Variants in CA10 observed in about 807,000 individuals in gnomAD.
CA10 encodes the protein carbonic anhydrase 10 (inactive), also known as carbonic anhydrase-related protein 10.
Under a neutral mutation model 44.2 loss-of-function variants are expected in CA10, and 14 were observed. That is an observed-to-expected ratio of 0.32 (90% CI 0.21 to 0.50). The LOEUF (loss-of-function observed/expected upper bound fraction) is 0.50, where lower values mean the gene tolerates loss of function less well. Among genes scored for constraint, CA10 ranks in the 20% least tolerant of loss-of-function variants. The pLI is 0.99. For synonymous variants in CA10, 159 were observed against 141.6 expected (o/e 1.12, Z -0.87); for missense variants, 350 against 409.7 (o/e 0.85, Z 1.26).
chr17:51,726,704 CT>C (rs1916535968), intron 4 of CA10, among the ~76,000 whole-genome samples: 2 of 152,090 alleles, frequency 1.3e-5, no homozygotes, highest in South Asian at 4.2e-4. Context: ...TACTGGTAGC[CT>C]TTGGAAAGCA....
chr17:51,900,094 C>A (rs997918490), intron 3 of CA10, among the ~76,000 whole-genome samples: 7 of 151,962 alleles, frequency 4.6e-5, no homozygotes, highest in Non-Finnish European at 7.4e-5. Context: ...AGTTGTTATG[C>A]AGACTTGATT....
chr17:52,034,877 C>A (rs1268375046), intron 2 of CA10, among the ~76,000 whole-genome samples: 1 of 152,126 alleles, frequency 6.6e-6, no homozygotes, highest in Non-Finnish European at 1.5e-5. Context: ...GATAACCTTA[C>A]TTCAATCTCA....
rs149202122 is a variant in CA10, at chr17:51,734,861, G to T, written c.465+12772C>A. On this transcript the variant is annotated intron_variant, in intron 4 of 8. Coordinates refer to ENST00000451037, the MANE Select transcript of CA10 (RefSeq NM_020178.5). Reference sequence around the variant, plus strand: ...ATTTTTCACCGTTCTGGAGGATGGGGAGTCCAAGATCAACACACCAGCAGG... The same window carrying T: ...ATTTTTCACCGTTCTGGAGGATGGGTAGTCCAAGATCAACACACCAGCAGG... Among the ~76,000 whole-genome samples the T allele has an allele frequency of 1.3e-4, 20 of 152,156 alleles. No homozygotes were observed. The East Asian group carries it at 3.9e-3, about 29-fold the overall frequency.
intron 1 of CA10, among the ~76,000 whole-genome samples, chr17:52,154,510 TCTC>T (rs1989764576): frequency 6.6e-6 from 1 of 152,166 alleles, no homozygotes; most frequent in African/African-American, 2.4e-5. Flanking sequence ...AAGAAATTTC[TCTC>T]CTCGTGCTGC....
At chr17:51,872,069 G>A (rs1035123930) in intron 3 of CA10, among the ~76,000 whole-genome samples, 1 of 152,164 alleles carries the variant, frequency 6.6e-6, no homozygotes, top group Non-Finnish European at 1.5e-5. Flanking sequence ...GTAAAGAAAT[G>A]GGAAAAGCAT....
chr17:51,649,241 G>A lies in CA10; in HGVS notation c.575C>T (p.Ser192Leu). 1 of 1,612,148 alleles carries A rather than the reference G, an allele frequency of 6.2e-7. No homozygotes were observed. Among genetic ancestry groups the A allele is most frequent in the Non-Finnish European group, 8.5e-7 (1 of 1,178,222 alleles). Residue 192 changes from serine to leucine, a missense_variant, in exon 6 of 9, where the codon TCA (serine) becomes TTA (leucine). Coordinates refer to ENST00000451037, the MANE Select transcript of CA10 (RefSeq NM_020178.5). The part of the protein sequence containing the change: ...VSIFIKVSDS[S>L]NPFLNRMLNR... ...GAGCATTCGATTAAGAAATGGGTTT[G>A]ATGAATCAGAAACCTGGAGGAGAAA...
At chr17:51,752,007 C>G (rs1426092661) in intron 3 of CA10, among the ~76,000 whole-genome samples, 2 of 152,218 alleles carry the variant, frequency 1.3e-5, no homozygotes, top group Admixed American at 6.5e-5. Flanking sequence ...TATGGAGAGA[C>G]CTGAATGGGG....
chr17:52,148,846 T>C (rs1989644580), intron 1 of CA10, among the ~76,000 whole-genome samples: 1 of 152,238 alleles, frequency 6.6e-6, no homozygotes, highest in South Asian at 2.1e-4. Context: ...TTTTATCTTA[T>C]GCCTGGCCCA....
At chr17:51,727,592 A>C (rs1371986903) in intron 4 of CA10, among the ~76,000 whole-genome samples, 1 of 152,128 alleles carries the variant, frequency 6.6e-6, no homozygotes, top group Non-Finnish European at 1.5e-5. Flanking sequence ...TCCTTCTCCT[A>C]TTCTAAAAAT....
intron 4 of CA10, among the ~76,000 whole-genome samples, chr17:51,726,727 C>CTA (rs1916536848): frequency 6.6e-6 from 1 of 152,086 alleles, no homozygotes; most frequent in South Asian, 2.1e-4. Context: ...AGAGCATATT[C>CTA]TATATATATT....
At chr17:51,890,068 C>T (rs1020501469) in intron 3 of CA10, among the ~76,000 whole-genome samples, 3 of 152,096 alleles carry the variant, frequency 2.0e-5, no homozygotes, top group African/African-American at 4.8e-5. Context: ...GTAGCAACAC[C>T]GGATAAATTT....
At chr17:51,909,624 C>T (rs1452672799) in intron 3 of CA10, among the ~76,000 whole-genome samples, 2 of 152,192 alleles carry the variant, frequency 1.3e-5, no homozygotes, top group African/African-American at 4.8e-5. Context: ...ACAAAGACCC[C>T]ATTTCAGGGA....
chr17:51,820,653 C>T (rs1907746324), intron 3 of CA10, among the ~76,000 whole-genome samples: 1 of 151,974 alleles, frequency 6.6e-6, no homozygotes, highest in Non-Finnish European at 1.5e-5. Flanking sequence ...AGTCAGAAGA[C>T]CTAAGTTTGA....
intron 2 of CA10, among the ~76,000 whole-genome samples, chr17:51,976,067 T>C (rs574635671): frequency 3.3e-5 from 5 of 152,314 alleles, no homozygotes; most frequent in Admixed American, 6.5e-5. Context: ...TCATAGATAA[T>C]GATGCATATT....
chr17:52,030,809 C>A (rs1270199514), intron 2 of CA10, among the ~76,000 whole-genome samples: 1 of 152,116 alleles, frequency 6.6e-6, no homozygotes, highest in African/African-American at 2.4e-5. Flanking sequence ...AGGCTCCCAG[C>A]CTTTGGGCTC....
intron 3 of CA10, among the ~76,000 whole-genome samples, chr17:51,835,719 C>G (rs1908452420): frequency 6.6e-6 from 1 of 152,188 alleles, no homozygotes; most frequent in Non-Finnish European, 1.5e-5. Flanking sequence ...AGGCAGTGCT[C>G]TAAGTACTTT....
chr17:51,675,548 C>CA (rs34639980), intron 4 of CA10, among the ~76,000 whole-genome samples: 88,566 of 117,820 alleles, frequency 0.75, 34,248 homozygotes, highest in Non-Finnish European at 0.84. Flanking sequence ...GACTCCATCT[C>CA]AAAAAAAAAA....
intron 2 of CA10, among the ~76,000 whole-genome samples, chr17:52,016,136 G>T (rs903290757): frequency 6.6e-6 from 1 of 152,048 alleles, no homozygotes. Context: ...GCTTTGACAG[G>T]CTGGGGCTTT....
chr17:51,958,238 T>G (rs2144045002), intron 2 of CA10, among the ~76,000 whole-genome samples: 1 of 148,808 alleles, frequency 6.7e-6, no homozygotes, highest in African/African-American at 2.5e-5. Flanking sequence ...GTAAGTATGA[T>G]TCTACTGAAA....
Sources: allele counts gnomAD v4.1 joint callset (sites outside exome capture counted in the v4.1 genomes callset), GRCh38; gene constraint gnomAD v4.1.1; transcripts MANE v1.5; gene names NCBI Gene and HGNC (gene_info 2026-07-23, HGNC 2026-07-21).